SLC43A1: variants seen among roughly 807,000 people sequenced by gnomAD.
The protein encoded by SLC43A1 is large neutral amino acids transporter small subunit 3.
A neutral mutation model predicts 59.5 loss-of-function variants in SLC43A1; 31 were observed. The ratio of observed to expected loss-of-function variants is 0.52; its 90% CI spans 0.39 to 0.70. The LOEUF is 0.70. Among genes scored for constraint, SLC43A1 ranks in the 30% least tolerant of loss-of-function variants. The probability of loss-of-function intolerance (pLI) is 0.00; values close to 1 mark genes in which losing one functional copy is unlikely to be tolerated. For synonymous variants in SLC43A1, 259 were observed against 290.9 expected (o/e 0.89, Z 1.12); for missense variants, 598 against 717.8 (o/e 0.83, Z 1.91).
chr11:57,501,376 T>A, intron 2 of SLC43A1, 47 bp from the exon 3 acceptor site: 1 of 1,593,056 alleles, frequency 6.3e-7, no homozygotes, highest in Non-Finnish European at 8.5e-7. Flanking sequence ...CAGGAACAGC[T>A]GGGCACAGGA....
chr11:57,515,124 G>A lies in SLC43A1; in HGVS notation c.-14+320C>T. On this transcript the variant is annotated intron_variant, in intron 1 of 14. Coordinates refer to ENST00000278426, the MANE Select transcript of SLC43A1 (RefSeq NM_003627.6). This position sits in a 1 kb window ranked among gnomAD's most constrained non-coding sequence, Gnocchi z 5.3. The stretch of plus-strand genomic sequence containing the variant: ...CCAGTCACTTCTTCCAGGGGGACTC[G>A]GTATTCTCATCTGTGAAACGGGGCT... 1 of 953,320 alleles carries A rather than the reference G, an allele frequency of 1.0e-6. No homozygotes were observed. Among genetic ancestry groups the A allele is most frequent in the South Asian group, 4.8e-5 (1 of 20,774 alleles). 59.1% of individuals were successfully genotyped at this position (953,320 alleles called of 1,614,324 possible). A position where few individuals can be genotyped will look rare whatever the true frequency, so the allele number is the denominator to read the frequency against.
At chr11:57,499,788 G>A (rs1944202932) in intron 5 of SLC43A1, 1 of 152,532 alleles carries the variant, frequency 6.6e-6, no homozygotes, top group Non-Finnish European at 1.5e-5. Context: ...ATAGCAGGGA[G>A]GAGCCGCTGG....
chr11:57,514,975 C>A lies in SLC43A1; in HGVS notation c.-14+469G>T. 1.0e-6 allele frequency: 1 copy of A among 978,656 alleles called. No individual in the cohort carries two copies. Among genetic ancestry groups the A allele is most frequent in the African/African-American group, 1.7e-5 (1 of 57,218 alleles). 60.6% of individuals were successfully genotyped at this position (978,656 alleles called of 1,614,324 possible). ...GCCCCAGCTCCCCCCGCCGCGGCCG[C>A]TGCAGCCTCGGCGGGAGGAGAGGGA... On this transcript the variant is annotated intron_variant, in intron 1 of 14. Transcript: ENST00000278426. This position sits in a 1 kb window ranked among gnomAD's most constrained non-coding sequence, Gnocchi z 5.5.
intron 8 of SLC43A1, among the ~76,000 whole-genome samples, chr11:57,493,376 A>C (rs940177926): frequency 6.6e-6 from 1 of 152,050 alleles, no homozygotes; most frequent in African/African-American, 2.4e-5. Flanking sequence ...CTAACTTTAC[A>C]GTTTGTGGGG....
At position 57,486,993 on chromosome 11, in the gene SLC43A1, G is replaced by C. The variant is rs1044165116; in HGVS notation, c.1533+102C>G. On this transcript the variant is annotated intron_variant, in intron 14 of 14. Transcript: ENST00000278426. ...CCTGCAGATTAGAGACCTCTGAGGTGCCTCTGGCTGAGATGAGTGAGGGAT... is the reference window on the plus strand; with the variant it reads ...CCTGCAGATTAGAGACCTCTGAGGTCCCTCTGGCTGAGATGAGTGAGGGAT... 6.2e-6 allele frequency: 8 copies of C among 1,285,320 alleles called. No individual in the cohort carries two copies. In the African/African-American group the frequency reaches 1.2e-4, roughly 19 times the overall value. The allele number at this position is 1,285,320 out of a possible 1,614,324, so 79.6% of individuals were successfully genotyped here.
chr11:57,494,776 G>A (rs1203747073), intron 7 of SLC43A1, among the ~76,000 whole-genome samples: 1 of 151,964 alleles, frequency 6.6e-6, no homozygotes, highest in African/African-American at 2.4e-5. Context: ...ATGGCATCGA[G>A]TGCCATTGCT....
rs1463473052 is a variant in SLC43A1, at chr11:57,487,168, C to T, written c.1460G>A (p.Ser487Asn). The T allele has an allele frequency of 6.2e-7, 1 of 1,614,112 alleles. No individual in the cohort carries two copies. Among genetic ancestry groups the T allele is most frequent in the Non-Finnish European group, 8.5e-7 (1 of 1,179,986 alleles). The change falls in exon 14 of 15, where the codon AGT becomes AAT. Residue 487 changes from serine (S) to asparagine (N), a missense_variant. Coordinates refer to ENST00000278426, the MANE Select transcript of SLC43A1 (RefSeq NM_003627.6). Reference sequence around the variant, plus strand: ...CTGCTGAAGCAAGGCGAACACAGCACTGATGAGGGACTGCAGGCCTGTCAG... The same window carrying T: ...CTGCTGAAGCAAGGCGAACACAGCATTGATGAGGGACTGCAGGCCTGTCAG... ...GTLTGLQSLI[S>N]AVFALLQQPL...
At chr11:57,490,160 C>T (rs1230418849) in intron 11 of SLC43A1, among the ~76,000 whole-genome samples, 5 of 152,116 alleles carry the variant, frequency 3.3e-5, no homozygotes, top group African/African-American at 9.7e-5. Flanking sequence ...AAAGCAGTCA[C>T]AGAATCTGGG....
At chr11:57,492,868 C>T (rs959626541) in intron 8 of SLC43A1, among the ~76,000 whole-genome samples, 1 of 151,378 alleles carries the variant, frequency 6.6e-6, no homozygotes, top group Non-Finnish European at 1.5e-5. Flanking sequence ...GGTGAAACCC[C>T]GTCTCTACTA....
chr11:57,487,398 C>A (rs1943772787), intron 13 of SLC43A1, among the ~76,000 whole-genome samples, 180 bp from the exon 14 acceptor site: 1 of 152,190 alleles, frequency 6.6e-6, no homozygotes, highest in Non-Finnish European at 1.5e-5. Context: ...AACTTCAGGG[C>A]CACTGAGCTG....
At position 57,488,981 on chromosome 11, in the gene SLC43A1, G is replaced by A. The variant is rs1943822540; in HGVS notation, c.1344C>T (p.Thr448=). 2 of 1,613,926 alleles carry A rather than the reference G, an allele frequency of 1.2e-6. No individual in the cohort carries two copies. The highest frequency in any genetic ancestry group is 1.7e-5 in the Admixed American group (1 of 60,012). The change falls in exon 13 of 15, where the codon ACC becomes ACT. Residue 448 remains threonine (T), a synonymous_variant. Transcript: ENST00000278426. ...CTCGAACAATGGTGTGCAGGACAAA[G>A]GTCACAAACTAAAACCAAAAAGAGA... ...LINNLHLQFV[T]FVLHTIVRGF...
intron 14 of SLC43A1, among the ~76,000 whole-genome samples, chr11:57,486,835 T>C (rs1270542739): frequency 6.6e-6 from 1 of 151,546 alleles, no homozygotes; most frequent in East Asian, 1.9e-4. Flanking sequence ...AATAAATAAA[T>C]AAATAAAATA....
Position 57,514,001 on chromosome 11 carries a change from C to G in SLC43A1, c.111G>C (p.Leu37Phe), listed in dbSNP as rs1056408724. The change falls in exon 2 of 15, where the codon TTG (leucine) becomes TTC (phenylalanine). Residue 37 changes from leucine (L) to phenylalanine (F), a missense_variant. Leu to Phe is a conservative substitution (Grantham distance 22). Transcript: ENST00000278426. The surrounding 1 kb of genome is among the most constrained non-coding windows in gnomAD (Gnocchi z 5.5). ...AGAAGCCCTCGTTCTTCAGAATGAT[C>G]AACAGGGAGCCCCAGCCCAGGAGTA... is the stretch of plus-strand genomic sequence containing the variant. ...SAVLLGWGSLLIILKNEGFYS... is the reference protein window; with the variant it reads ...SAVLLGWGSLFIILKNEGFYS... 6.7e-7 allele frequency: 1 copy of G among 1,492,166 alleles called. No homozygotes were observed. Among genetic ancestry groups the G allele is most frequent in the Non-Finnish European group, 9.1e-7 (1 of 1,103,806 alleles). The allele number at this position is 1,492,166 out of a possible 1,614,324, so 92.4% of individuals were successfully genotyped here. A position where few individuals can be genotyped will look rare whatever the true frequency, so the allele number is the denominator to read the frequency against.
rs182743251 is a variant in SLC43A1 at position 57,484,772 on chromosome 11, G to A, written c.*324C>T. The A allele has an allele frequency of 1.8e-3, 397 of 222,454 alleles. 2 individuals are homozygous for A. Among genetic ancestry groups the A allele is most frequent in the African/African-American group, 8.1e-3 (354 of 43,974 alleles). The allele number at this position is 222,454 out of a possible 1,614,324, so 13.8% of individuals were successfully genotyped here. ...GGACCTCAGGGGTAGCCTGTTTGCC[G>A]ATCCCCCCAAGAGGTACCAGGAGGC... On this transcript the variant is annotated 3_prime_UTR_variant, in exon 15 of 15. Transcript: ENST00000278426.
Position 57,487,306 on chromosome 11 carries a change from C to T in SLC43A1, c.1410-88G>A, listed in dbSNP as rs571044424. 339 of 1,506,696 alleles carry T rather than the reference C, an allele frequency of 2.2e-4. 1 individual carries two copies. Among genetic ancestry groups the T allele is most frequent in the Non-Finnish European group, 2.5e-4 (281 of 1,106,496 alleles). 93.3% of individuals were successfully genotyped at this position (1,506,696 alleles called of 1,614,324 possible). A position where few individuals can be genotyped will look rare whatever the true frequency, so the allele number is the denominator to read the frequency against. On this transcript the variant is annotated intron_variant, in intron 13 of 14. Coordinates refer to ENST00000278426, the MANE Select transcript of SLC43A1 (RefSeq NM_003627.6). ...CCTATCCCCTCCCCACCATGGTCCC[C>T]GCTGGCCAGGCAGGGTGGTGCTTAA...
At chr11:57,492,252 A>C (rs1027024250) in intron 8 of SLC43A1, among the ~76,000 whole-genome samples, 7 of 141,520 alleles carry the variant, frequency 4.9e-5, no homozygotes, top group African/African-American at 1.8e-4. Context: ...GAAATTATAT[A>C]TATATTTATA....
chr11:57,514,980 G>A lies in SLC43A1; in HGVS notation c.-14+464C>T. On this transcript the variant is annotated intron_variant, in intron 1 of 14. Coordinates refer to ENST00000278426, the MANE Select transcript of SLC43A1 (RefSeq NM_003627.6). This position sits in a 1 kb window ranked among gnomAD's most constrained non-coding sequence, Gnocchi z 5.5. ...AGCTCCCCCCGCCGCGGCCGCTGCA[G>A]CCTCGGCGGGAGGAGAGGGAACGCG... The A allele has an allele frequency of 1.0e-6, 1 of 977,794 alleles. No individual in the cohort carries two copies. Among genetic ancestry groups the A allele is most frequent in the Non-Finnish European group, 1.2e-6 (1 of 823,012 alleles). 60.6% of individuals were successfully genotyped at this position (977,794 alleles called of 1,614,324 possible). A position where few individuals can be genotyped will look rare whatever the true frequency, so the allele number is the denominator to read the frequency against.
intron 2 of SLC43A1, among the ~76,000 whole-genome samples, chr11:57,505,237 C>T (rs976226478): frequency 1.3e-5 from 2 of 152,160 alleles, no homozygotes; most frequent in Non-Finnish European, 1.5e-5. Flanking sequence ...ATTGGCCAGC[C>T]GCAGTAGCTC....
intron 13 of SLC43A1, 30 bp from the exon 14 acceptor site, chr11:57,487,248 G>A: frequency 5.0e-6 from 8 of 1,604,772 alleles, no homozygotes; most frequent in African/African-American, 2.7e-5. Context: ...TATCAGGGGT[G>A]TGTGGCCCTC....
Sources: allele counts gnomAD v4.1 joint callset (sites outside exome capture counted in the v4.1 genomes callset), GRCh38; gene constraint gnomAD v4.1.1; non-coding constraint Gnocchi (gnomAD v3.1); transcripts MANE v1.5; gene names NCBI Gene and HGNC (gene_info 2026-07-23, HGNC 2026-07-21).